POFUT3: variants seen among roughly 807,000 people sequenced by gnomAD.
POFUT3 encodes protein O-fucosyltransferase 3.
At chr8:33,356,596 G>A in the POFUT3 span, among the ~76,000 whole-genome samples, 38 of 152,118 alleles carry the variant, frequency 2.5e-4, no homozygotes, top group East Asian at 9.6e-4. Flanking sequence ...AGTAGGTTGC[G>A]AAAATTTTCT....
At chr8:33,458,963 G>C in the POFUT3 span, among the ~76,000 whole-genome samples, 7 of 152,180 alleles carry the variant, frequency 4.6e-5, no homozygotes, top group Admixed American at 2.6e-4. Flanking sequence ...GGGAGATCCT[G>C]CAGAGTGAAA....
chr8:33,390,884 G>C, the POFUT3 span, among the ~76,000 whole-genome samples: 1 of 152,188 alleles, frequency 6.6e-6, no homozygotes, highest in Non-Finnish European at 1.5e-5. Flanking sequence ...GTAAGCGATT[G>C]TTTCCTGGCT....
the POFUT3 span, chr8:33,388,757 A>C: frequency 1.7e-6 from 1 of 581,764 alleles, no homozygotes; most frequent in Admixed American, 3.0e-5. Flanking sequence ...GAAGGCTTTC[A>C]GGAATGAAGG....
chr8:33,351,783 A>C, the POFUT3 span, among the ~76,000 whole-genome samples: 2 of 152,062 alleles, frequency 1.3e-5, no homozygotes, highest in Admixed American at 1.3e-4. Flanking sequence ...GATGAGAAAC[A>C]TTACAGAGTG....
At chr8:33,424,298 C>T in the POFUT3 span, among the ~76,000 whole-genome samples, 1 of 152,140 alleles carries the variant, frequency 6.6e-6, no homozygotes, top group African/African-American at 2.4e-5. Context: ...TATTGGACTC[C>T]TTTGTGCCTG....
At chr8:33,372,344 A>G in the POFUT3 span, 5 of 1,289,822 alleles carry the variant, frequency 3.9e-6, no homozygotes, top group Non-Finnish European at 4.9e-6. Context: ...CGGACATGGA[A>G]GATAACCAGT....
At chr8:33,471,289 C>A in the POFUT3 span, among the ~76,000 whole-genome samples, 552 of 151,952 alleles carry the variant, frequency 3.6e-3, 4 homozygotes, top group African/African-American at 0.013. Flanking sequence ...GCTCTGTTGC[C>A]CAGGCTGGAG....
chr8:33,311,106 A>C, the POFUT3 span, among the ~76,000 whole-genome samples: 1 of 152,208 alleles, frequency 6.6e-6, no homozygotes, highest in East Asian at 1.9e-4. Flanking sequence ...TTCTTTGCAG[A>C]AACCTCAAGC....
At chr8:33,379,057 T>A in the POFUT3 span, among the ~76,000 whole-genome samples, 101 of 152,188 alleles carry the variant, frequency 6.6e-4, no homozygotes, top group East Asian at 0.017. Context: ...ATGGTTTAAA[T>A]GTGTGGCATT....
At chr8:33,357,755 C>G in the POFUT3 span, among the ~76,000 whole-genome samples, 1 of 152,036 alleles carries the variant, frequency 6.6e-6, no homozygotes, top group Non-Finnish European at 1.5e-5. Context: ...GGTGTTAAAG[C>G]CTGAGTCACC....
chr8:33,437,353 C>T, the POFUT3 span, among the ~76,000 whole-genome samples: 10 of 150,888 alleles, frequency 6.6e-5, no homozygotes, highest in East Asian at 1.9e-4. Context: ...ACTGAAGCAT[C>T]GGTCACACAG....
At chr8:33,443,586 G>C in the POFUT3 span, among the ~76,000 whole-genome samples, 2 of 152,090 alleles carry the variant, frequency 1.3e-5, no homozygotes, top group Non-Finnish European at 2.9e-5. Context: ...TCTGCCTCCC[G>C]GGTTCAAGTG....
the POFUT3 span, among the ~76,000 whole-genome samples, chr8:33,327,755 G>A: frequency 6.6e-6 from 1 of 152,208 alleles, no homozygotes; most frequent in East Asian, 1.9e-4. Context: ...GATTTTTGCA[G>A]ATGAAGCACA....
At chr8:33,385,996 T>C in the POFUT3 span, among the ~76,000 whole-genome samples, 1 of 151,868 alleles carries the variant, frequency 6.6e-6, no homozygotes, top group Non-Finnish European at 1.5e-5. Context: ...GAGATCAGCC[T>C]GGTCAACATG....
At chr8:33,444,933 CTTTT>C in the POFUT3 span, among the ~76,000 whole-genome samples, 1 of 121,666 alleles carries the variant, frequency 8.2e-6, no homozygotes, top group Non-Finnish European at 1.6e-5. Flanking sequence ...TGACCTTCAT[CTTTT>C]TTTTTTTTTT....
At chr8:33,312,277 TAG>T in the POFUT3 span, among the ~76,000 whole-genome samples, 70 of 137,254 alleles carry the variant, frequency 5.1e-4, 1 homozygote, top group East Asian at 8.5e-4. Context: ...AAAAAAGAAA[TAG>T]AGAGAGAGAG....
chr8:33,414,859 C>G, the POFUT3 span, among the ~76,000 whole-genome samples: 1 of 151,802 alleles, frequency 6.6e-6, no homozygotes. Context: ...AAGGAGGGCA[C>G]TAAGCTCAGT....
At chr8:33,460,079 A>T in the POFUT3 span, among the ~76,000 whole-genome samples, 1 of 152,142 alleles carries the variant, frequency 6.6e-6, no homozygotes, top group Non-Finnish European at 1.5e-5. Flanking sequence ...AATCCCAGCT[A>T]CTTGGGAGGC....
chr8:33,377,921 A>C, the POFUT3 span, among the ~76,000 whole-genome samples: 1 of 152,240 alleles, frequency 6.6e-6, no homozygotes, highest in Admixed American at 6.5e-5. Context: ...AAGATGGATA[A>C]TCTGTTTCAC....
Sources: allele counts gnomAD v4.1 joint callset (sites outside exome capture counted in the v4.1 genomes callset), GRCh38; gene constraint gnomAD v4.1.1; transcripts MANE v1.5; gene names NCBI Gene and HGNC (gene_info 2026-07-23, HGNC 2026-07-21).